Variants in CTNND2 observed in about 807,000 individuals in gnomAD.
The protein encoded by CTNND2 is catenin delta-2.
CTNND2 carries 22 observed loss-of-function variants against 144.4 expected under a neutral mutation model. That is an observed-to-expected ratio of 0.15 (90% CI 0.11 to 0.22). The LOEUF (loss-of-function observed/expected upper bound fraction) is 0.22. Ranked by LOEUF, CTNND2 falls within the 10% of genes least tolerant of loss-of-function variation. The pLI is 1.00. For synonymous variants in CTNND2, 751 were observed against 695.6 expected (o/e 1.08, Z -1.25); for missense variants, 1,353 against 1,618.8 (o/e 0.84, Z 2.82).
intron 11 of CTNND2, among the ~76,000 whole-genome samples, chr5:11,186,222 A>T (rs1735610946): frequency 6.6e-6 from 1 of 152,238 alleles, no homozygotes; most frequent in South Asian, 2.1e-4. Flanking sequence ...ACTGCTGCAG[A>T]ATGTAAAATG....
chr5:11,778,968 C>A (rs1452324371), intron 1 of CTNND2, among the ~76,000 whole-genome samples: 1 of 152,154 alleles, frequency 6.6e-6, no homozygotes, highest in Non-Finnish European at 1.5e-5. Context: ...TCAGTTTAAG[C>A]AGAAACACTG....
intron 1 of CTNND2, among the ~76,000 whole-genome samples, chr5:11,899,556 G>C (rs1483552627): frequency 6.6e-6 from 1 of 152,100 alleles, no homozygotes; most frequent in African/African-American, 2.4e-5. Context: ...GGTTGGGGTA[G>C]GGAAATTACA....
chr5:11,264,746 A>G lies in CTNND2; in HGVS notation c.1629-27923T>C, dbSNP rs62338528. Among the ~76,000 whole-genome samples the G allele has an allele frequency of 4.5e-3, 692 of 152,302 alleles. 8 individuals carry two copies. The highest frequency in any genetic ancestry group is 0.01 in the Middle Eastern group (3 of 294). ...GGAGTTCAAGACCAGCCTAGGCAAC[A>G]TGGGGAAACCCTGTCTGTACTAAAA... On this transcript the variant is annotated intron_variant, in intron 9 of 21. Transcript: ENST00000304623.
At chr5:11,547,195 G>A (rs1389316708) in intron 3 of CTNND2, among the ~76,000 whole-genome samples, 1 of 151,864 alleles carries the variant, frequency 6.6e-6, no homozygotes, top group South Asian at 2.1e-4. Context: ...TTTAACCCTG[G>A]AGGCGGAGGT....
chr5:11,361,084 G>A (rs1327181220), intron 8 of CTNND2, among the ~76,000 whole-genome samples: 2 of 152,196 alleles, frequency 1.3e-5, no homozygotes, highest in African/African-American at 4.8e-5. Flanking sequence ...GCAGTGGCGC[G>A]ATCCTGGCTC....
chr5:11,630,372 T>C (rs1158804939), intron 2 of CTNND2, among the ~76,000 whole-genome samples: 1 of 152,188 alleles, frequency 6.6e-6, no homozygotes, highest in Non-Finnish European at 1.5e-5. Flanking sequence ...TTCAGTCCAC[T>C]AGCTTCCGGA....
At chr5:11,378,568 T>C (rs1450889430) in intron 7 of CTNND2, among the ~76,000 whole-genome samples, 1 of 152,224 alleles carries the variant, frequency 6.6e-6, no homozygotes, top group Admixed American at 6.5e-5. Context: ...GTGAGCAGAA[T>C]GTTCGTGAGA....
chr5:11,412,987 C>G (rs570448191), intron 3 of CTNND2, among the ~76,000 whole-genome samples: 1 of 152,026 alleles, frequency 6.6e-6, no homozygotes, highest in Non-Finnish European at 1.5e-5. Context: ...AATACATTTA[C>G]GGAGAAAAAG....
chr5:11,268,674 T>C (rs891416520), intron 9 of CTNND2, among the ~76,000 whole-genome samples: 4 of 152,150 alleles, frequency 2.6e-5, no homozygotes, highest in Non-Finnish European at 5.9e-5. Flanking sequence ...ACTATAATGG[T>C]GTAATGGATT....
chr5:11,046,976 C>T (rs1304598564), intron 16 of CTNND2, among the ~76,000 whole-genome samples: 1 of 152,180 alleles, frequency 6.6e-6, no homozygotes, highest in Non-Finnish European at 1.5e-5. Flanking sequence ...AAAGCCCATG[C>T]GTTTTCATGG....
chr5:11,498,179 G>A (rs182971386), intron 3 of CTNND2, among the ~76,000 whole-genome samples: 1 of 152,004 alleles, frequency 6.6e-6, no homozygotes, highest in Non-Finnish European at 1.5e-5. Flanking sequence ...CAATTTTACT[G>A]CCACAATAAC....
chr5:11,312,343 G>A (rs1335470174), intron 9 of CTNND2, among the ~76,000 whole-genome samples: 2 of 151,934 alleles, frequency 1.3e-5, no homozygotes, highest in East Asian at 3.9e-4. Context: ...CCCAAGACTG[G>A]GAAGAAAAAG....
intron 2 of CTNND2, among the ~76,000 whole-genome samples, chr5:11,640,868 A>G (rs1781964121): frequency 3.9e-5 from 6 of 152,188 alleles, no homozygotes; most frequent in African/African-American, 1.2e-4. Context: ...CTGAAGACAT[A>G]CTGAACCCTA....
chr5:11,127,094 G>A (rs1391693506), intron 12 of CTNND2, among the ~76,000 whole-genome samples: 3 of 152,208 alleles, frequency 2.0e-5, no homozygotes, highest in Non-Finnish European at 4.4e-5. Context: ...GGGAGCCATG[G>A]CATTCTGTGG....
chr5:11,469,546 T>C (rs937928700), intron 3 of CTNND2, among the ~76,000 whole-genome samples: 3 of 152,082 alleles, frequency 2.0e-5, no homozygotes, highest in Non-Finnish European at 4.4e-5. Context: ...ACACTGCTTG[T>C]TACAAACAGA....
rs376250275 is a variant in CTNND2, at chr5:11,030,673, C to CTT, written c.2789-7696_2789-7695dup. ...ACTCTCTTCATATCTTCCTTTAATT[C>CTT]TTTGAACATCTTTAAAACAGTTGTT... is the stretch of plus-strand genomic sequence containing the variant. On this transcript the variant is annotated intron_variant, in intron 16 of 21. Transcript: ENST00000304623. 1.1e-3 allele frequency among the ~76,000 whole-genome samples: 171 copies of CTT among 148,888 alleles called. 1 individual carries two copies. Among genetic ancestry groups the CTT allele is most frequent in the African/African-American group, 4.0e-3 (160 of 40,374 alleles).
At chr5:11,526,100 C>G (rs1438878649) in intron 3 of CTNND2, among the ~76,000 whole-genome samples, 4 of 152,122 alleles carry the variant, frequency 2.6e-5, no homozygotes, top group Non-Finnish European at 5.9e-5. Flanking sequence ...CAGGGTTTCA[C>G]CATGTTGGCC....
chr5:11,203,750 CTAGT>C (rs1180527213), intron 10 of CTNND2, among the ~76,000 whole-genome samples: 1 of 152,104 alleles, frequency 6.6e-6, no homozygotes, highest in African/African-American at 2.4e-5. Context: ...CAATAAAATG[CTAGT>C]TAATGTATAT....
chr5:11,560,215 T>C (rs1250592363), intron 3 of CTNND2, among the ~76,000 whole-genome samples: 1 of 152,186 alleles, frequency 6.6e-6, no homozygotes, highest in African/African-American at 2.4e-5. Context: ...ATTGTTATTA[T>C]TGTCATAAAT....
Sources: gnomAD v4.1 joint callset for allele counts (sites outside exome capture counted in the v4.1 genomes callset) on GRCh38, gnomAD v4.1.1 for gene constraint, MANE v1.5 for transcripts, NCBI Gene and HGNC (gene_info 2026-07-23, HGNC 2026-07-21) for gene names.